UBAC2: variants seen among roughly 807,000 people sequenced by gnomAD.
UBAC2 encodes UBA domain containing 2.
Under a neutral mutation model 44.0 loss-of-function variants are expected in UBAC2, and 26 were observed. That is an observed-to-expected ratio of 0.59 (90% CI 0.43 to 0.82). UBAC2 has a LOEUF of 0.82. Among genes scored for constraint, UBAC2 ranks in the 40% least tolerant of loss-of-function variants. The pLI, the probability that UBAC2 is intolerant of heterozygous loss-of-function variation, is 0.00. For synonymous variants in UBAC2, 155 were observed against 154.3 expected, an observed-to-expected ratio of 1.00 and a Z score of -0.04; for missense variants, 329 against 419.4, an observed-to-expected ratio of 0.78 and a Z score of 1.88.
intron 7 of UBAC2, among the ~76,000 whole-genome samples, chr13:99,349,001 G>A (rs1253315341): frequency 1.3e-5 from 2 of 152,206 alleles, no homozygotes; most frequent in Non-Finnish European, 2.9e-5. Flanking sequence ...ACTAGAGGAA[G>A]AAGACCAGGT....
chr13:99,239,184 G>C (rs2043272757), intron 2 of UBAC2, among the ~76,000 whole-genome samples: 1 of 152,178 alleles, frequency 6.6e-6, no homozygotes, highest in Admixed American at 6.5e-5. Flanking sequence ...TCCATTTCTT[G>C]AACACTGACA....
At chr13:99,293,040 G>A (rs769082273) in intron 4 of UBAC2, among the ~76,000 whole-genome samples, 40 of 152,196 alleles carry the variant, frequency 2.6e-4, no homozygotes, top group Non-Finnish European at 5.0e-4. Context: ...GGCTTGATGA[G>A]TAGAATGGGC....
intron 1 of UBAC2, among the ~76,000 whole-genome samples, chr13:99,226,906 C>G (rs181060611): frequency 2.0e-5 from 3 of 152,102 alleles, no homozygotes; most frequent in Non-Finnish European, 4.4e-5. Flanking sequence ...TGGATAAGAC[C>G]GGCACCCCTT....
chr13:99,360,665 C>T (rs2045253576), intron 7 of UBAC2, among the ~76,000 whole-genome samples: 1 of 152,204 alleles, frequency 6.6e-6, no homozygotes, highest in Non-Finnish European at 1.5e-5. Context: ...TTGCTCTCTT[C>T]TCCATCGTTG....
At chr13:99,213,113 T>C (rs947130227) in intron 1 of UBAC2, among the ~76,000 whole-genome samples, 1 of 152,152 alleles carries the variant, frequency 6.6e-6, no homozygotes, top group Non-Finnish European at 1.5e-5. Flanking sequence ...TACATATACC[T>C]ATACATTTGA....
At chr13:99,287,973 T>C (rs889847134) in intron 4 of UBAC2, among the ~76,000 whole-genome samples, 4 of 152,218 alleles carry the variant, frequency 2.6e-5, no homozygotes, top group Non-Finnish European at 5.9e-5. Context: ...TATAGGCTAA[T>C]ATAGGCAGTA....
intron 1 of UBAC2, 143 bp downstream of exon 1, chr13:99,201,082 T>A: frequency 7.5e-7 from 1 of 1,339,554 alleles, no homozygotes; most frequent in Non-Finnish European, 9.6e-7. Flanking sequence ...ACCCTGCTAG[T>A]TCCCGGTCTT....
At chr13:99,255,075 G>C (rs768167198) in intron 4 of UBAC2, 1 of 1,614,120 alleles carries the variant, frequency 6.2e-7, no homozygotes, top group Non-Finnish European at 8.5e-7. Context: ...AGGCTCCCCA[G>C]GGATTGTAAC....
At chr13:99,381,989 A>G (rs189330000) in intron 8 of UBAC2, among the ~76,000 whole-genome samples, 3 of 152,316 alleles carry the variant, frequency 2.0e-5, no homozygotes, top group Admixed American at 1.3e-4. Flanking sequence ...ACAACATCTC[A>G]TCAGCTTATG....
intron 4 of UBAC2, among the ~76,000 whole-genome samples, chr13:99,246,715 T>C (rs1378987317): frequency 6.6e-6 from 1 of 152,212 alleles, no homozygotes; most frequent in Non-Finnish European, 1.5e-5. Flanking sequence ...TACTTTTGCT[T>C]ACTCTCAGAA....
chr13:99,202,255 ATAAT>A (rs2042813099), intron 1 of UBAC2, among the ~76,000 whole-genome samples: 1 of 152,112 alleles, frequency 6.6e-6, no homozygotes. Context: ...CCTTTGTTTC[ATAAT>A]TAATTTGATT....
intron 7 of UBAC2, among the ~76,000 whole-genome samples, chr13:99,343,125 A>G (rs1177360422): frequency 1.3e-5 from 2 of 152,154 alleles, no homozygotes; most frequent in African/African-American, 4.8e-5. Flanking sequence ...AGCCCCACCT[A>G]TGCTGAGCCC....
At chr13:99,264,244 C>A (rs1261234232) in intron 4 of UBAC2, among the ~76,000 whole-genome samples, 1 of 152,194 alleles carries the variant, frequency 6.6e-6, no homozygotes, top group Non-Finnish European at 1.5e-5. Flanking sequence ...ACCTCAGGTT[C>A]CTCTTGGCCT....
At chr13:99,350,103 T>TAATGC (rs1362876612) in intron 7 of UBAC2, among the ~76,000 whole-genome samples, 14 of 152,180 alleles carry the variant, frequency 9.2e-5, no homozygotes, top group Admixed American at 5.2e-4. Flanking sequence ...GTTATATTAG[T>TAATGC]AATGCAACAA....
chr13:99,274,553 T>C (rs1178640992), intron 4 of UBAC2, among the ~76,000 whole-genome samples: 1 of 152,126 alleles, frequency 6.6e-6, no homozygotes, highest in African/African-American at 2.4e-5. Flanking sequence ...CTTGAATTCA[T>C]GAGCTCAAGT....
chr13:99,201,788 T>C (rs777863652), intron 1 of UBAC2, among the ~76,000 whole-genome samples: 3 of 152,096 alleles, frequency 2.0e-5, no homozygotes, highest in Non-Finnish European at 2.9e-5. Flanking sequence ...TAAAGATCTG[T>C]TGGCCGGGCG....
rs137933725 is a variant in UBAC2, at chr13:99,273,474, G to A, written c.389+28850G>A. ...CTCTCAGAAATTAGCAGTATTGAGAGTAAGCGGTTTCTTTATATGGTAGTT... is the reference window on the plus strand; with the variant it reads ...CTCTCAGAAATTAGCAGTATTGAGAATAAGCGGTTTCTTTATATGGTAGTT... On this transcript the variant is annotated intron_variant, in intron 4 of 8. Transcript: ENST00000403766. Among the ~76,000 whole-genome samples, 8 of 152,298 alleles carry A rather than the reference G, an allele frequency of 5.3e-5. No individual in the cohort carries two copies. The East Asian group carries it at 1.5e-3, about 29-fold the overall frequency.
chr13:99,215,675 G>T, intron 1 of UBAC2: 9 of 1,487,418 alleles, frequency 6.1e-6, no homozygotes, highest in Non-Finnish European at 8.2e-6. Flanking sequence ...AGCCCTCTGG[G>T]AACTGCAAGC....
intron 3 of UBAC2, 51 bp downstream of exon 3, chr13:99,244,002 T>G: frequency 7.0e-7 from 1 of 1,421,946 alleles, no homozygotes; most frequent in South Asian, 1.4e-5. Flanking sequence ...GAAAAAAATT[T>G]TGTTTAAATG....
Sources: allele counts gnomAD v4.1 joint callset (sites outside exome capture counted in the v4.1 genomes callset), GRCh38; gene constraint gnomAD v4.1.1; transcripts MANE v1.5; gene names NCBI Gene and HGNC (gene_info 2026-07-23, HGNC 2026-07-21).